GRIP1: variants seen among roughly 807,000 people sequenced by gnomAD.
GRIP1 encodes glutamate receptor-interacting protein 1.
A neutral mutation model predicts 129.9 loss-of-function variants in GRIP1; 45 were observed. The ratio of observed to expected loss-of-function variants is 0.35; its 90% CI spans 0.27 to 0.44. The LOEUF is 0.44. GRIP1 is among the 20% of genes least tolerant of loss of function. GRIP1 has a pLI of 1.00. For synonymous variants in GRIP1, 530 were observed against 520.8 expected (o/e 1.02, Z -0.24); for missense variants, 1,196 against 1,396.8 (o/e 0.86, Z 2.29).
chr12:66,907,269 GA>G (rs1258059224), intron 1 of GRIP1, among the ~76,000 whole-genome samples: 1 of 152,146 alleles, frequency 6.6e-6, no homozygotes, highest in Non-Finnish European at 1.5e-5. Context: ...CTGGGTCGGG[GA>G]AAATAAAGTA....
intron 1 of GRIP1, among the ~76,000 whole-genome samples, chr12:66,772,042 C>T (rs1310844597): frequency 6.6e-6 from 1 of 151,838 alleles, no homozygotes; most frequent in Admixed American, 6.6e-5. Flanking sequence ...ATTCTAGATG[C>T]TGTGCAGATA....
chr12:66,946,583 G>A (rs2041670861), intron 1 of GRIP1, among the ~76,000 whole-genome samples: 1 of 151,762 alleles, frequency 6.6e-6, no homozygotes, highest in Non-Finnish European at 1.5e-5. Flanking sequence ...GCATCAGAAT[G>A]GAAGACTGGC....
At chr12:67,006,509 T>C (rs992524774) in intron 1 of GRIP1, among the ~76,000 whole-genome samples, 9 of 151,936 alleles carry the variant, frequency 5.9e-5, no homozygotes, top group African/African-American at 2.2e-4. Flanking sequence ...ATCGCTGAAA[T>C]CTGGGAAGTC....
chr12:66,685,485 G>A (rs1436867672), intron 1 of GRIP1, among the ~76,000 whole-genome samples: 1 of 152,056 alleles, frequency 6.6e-6, no homozygotes, highest in Non-Finnish European at 1.5e-5. Context: ...ATAGGGAGAG[G>A]TTCTATATTT....
chr12:66,519,720 G>GT lies in GRIP1; in HGVS notation c.503-1745dup, dbSNP rs564038304. Among the ~76,000 whole-genome samples the GT allele has an allele frequency of 2.0e-5, 3 of 152,274 alleles. No homozygotes were observed. The East Asian group carries it at 5.8e-4, about 29-fold the overall frequency. On this transcript the variant is annotated intron_variant, in intron 5 of 24. Coordinates refer to ENST00000359742, the MANE Select transcript of GRIP1 (RefSeq NM_001366722.1). ...ATATTCTCAATCCTGGTGTACATTA[G>GT]TATCAACTGGGATGCTTTTTGAAAA...
Position 66,347,914 on chromosome 12 carries a change from T to G in GRIP1, c.*1105A>C, listed in dbSNP as rs2054048638. 1 of 152,216 alleles carries G rather than the reference T, an allele frequency of 6.6e-6. No individual in the cohort carries two copies. Among genetic ancestry groups the G allele is most frequent in the Non-Finnish European group, 1.5e-5 (1 of 68,042 alleles). The allele number at this position is 152,216 out of a possible 1,614,324, so 9.4% of individuals were successfully genotyped here. Reference sequence around the variant, plus strand: ...ATACAGATCTATTTATTTTTTTATGTTCACCAAATAATAACAGTTATTAGT... The same window carrying G: ...ATACAGATCTATTTATTTTTTTATGGTCACCAAATAATAACAGTTATTAGT... On this transcript the variant is annotated 3_prime_UTR_variant, in exon 25 of 25. Coordinates refer to ENST00000359742, the MANE Select transcript of GRIP1 (RefSeq NM_001366722.1).
intron 1 of GRIP1, among the ~76,000 whole-genome samples, chr12:67,064,396 C>G (rs1231708285): frequency 1.3e-5 from 2 of 152,296 alleles, no homozygotes; most frequent in Non-Finnish European, 2.9e-5. Context: ...TGCCCTAAGT[C>G]TTGGCTTTAT....
chr12:66,872,733 C>T (rs1401832177), intron 1 of GRIP1, among the ~76,000 whole-genome samples: 1 of 152,008 alleles, frequency 6.6e-6, no homozygotes, highest in Non-Finnish European at 1.5e-5. Context: ...AGGCTTTGTT[C>T]AGGCCTTTGG....
intron 1 of GRIP1, among the ~76,000 whole-genome samples, chr12:66,628,339 C>T (rs1486042117): frequency 6.6e-6 from 1 of 152,198 alleles, no homozygotes; most frequent in Non-Finnish European, 1.5e-5. Flanking sequence ...TGTACCTAGG[C>T]CTCCAGTGAA....
intron 1 of GRIP1, among the ~76,000 whole-genome samples, chr12:66,915,212 C>T (rs759678066): frequency 3.3e-5 from 5 of 152,152 alleles, no homozygotes; most frequent in African/African-American, 4.8e-5. Context: ...AGAGTTTTAA[C>T]TCTAAAAGGA....
rs1471556001 is a variant in GRIP1 at position 66,668,098 on chromosome 12, A to T, written c.55+10752T>A. Among the ~76,000 whole-genome samples the T allele has an allele frequency of 3.9e-5, 6 of 152,214 alleles. No individual in the cohort carries two copies. The East Asian group carries it at 9.6e-4, about 24-fold the overall frequency. On this transcript the variant is annotated intron_variant, in intron 1 of 24. Transcript: ENST00000359742. ...CTGATATTTGGGATGTAGCTGAGGC[A>T]AAAGTTTGTGGTCAGTGTGCCTTGA...
intron 1 of GRIP1, among the ~76,000 whole-genome samples, chr12:66,737,728 T>C (rs928268244): frequency 6.6e-6 from 1 of 152,180 alleles, no homozygotes; most frequent in African/African-American, 2.4e-5. Flanking sequence ...TTTTTTTTAC[T>C]CTTTTATTTT....
chr12:66,499,336 G>A (rs2060323767), intron 7 of GRIP1, among the ~76,000 whole-genome samples: 1 of 152,122 alleles, frequency 6.6e-6, no homozygotes, highest in Non-Finnish European at 1.5e-5. Context: ...GATAAAATAT[G>A]ATGAAGATTA....
At chr12:67,064,836 T>C (rs954001620) in intron 1 of GRIP1, among the ~76,000 whole-genome samples, 2 of 151,834 alleles carry the variant, frequency 1.3e-5, no homozygotes, top group Non-Finnish European at 2.9e-5. Context: ...TGTGACATGC[T>C]GGTGCGCTGC....
At chr12:66,607,804 A>G (rs1164708347) in intron 1 of GRIP1, among the ~76,000 whole-genome samples, 7 of 152,150 alleles carry the variant, frequency 4.6e-5, no homozygotes, top group African/African-American at 1.7e-4. Context: ...TTTCTGAGGA[A>G]CTTTTGAAAC....
intron 1 of GRIP1, among the ~76,000 whole-genome samples, chr12:66,709,716 T>A (rs1461740933): frequency 1.3e-5 from 2 of 151,836 alleles, no homozygotes; most frequent in African/African-American, 4.8e-5. Context: ...TATAAAAACA[T>A]GAAACTAAAA....
intron 1 of GRIP1, among the ~76,000 whole-genome samples, chr12:66,829,521 C>G (rs1255211817): frequency 1.3e-5 from 2 of 152,046 alleles, no homozygotes; most frequent in African/African-American, 4.8e-5. Flanking sequence ...TAATACAAGC[C>G]CCTAACCCTT....
Position 66,897,885 on chromosome 12 carries a change from G to A in GRIP1, c.58+171165C>T, listed in dbSNP as rs550377334. 3.3e-4 allele frequency among the ~76,000 whole-genome samples: 50 copies of A among 151,994 alleles called. No individual in the cohort carries two copies. The South Asian group carries it at 6.2e-3, about 19-fold the overall frequency. ...TTGTAAAACCAAGTAATAATAATCC[G>A]CCACAAATTGCTAGGATCCATTTTT... On this transcript the variant is annotated intron_variant, in intron 1 of 1. Transcript: ENST00000643019.
chr12:66,423,759 A>G (rs2057890333), intron 14 of GRIP1, among the ~76,000 whole-genome samples: 1 of 152,210 alleles, frequency 6.6e-6, no homozygotes, highest in African/African-American at 2.4e-5. Context: ...CAAGTGGGAA[A>G]TCCATACAAA....
Sources: gnomAD v4.1 joint callset for allele counts (sites outside exome capture counted in the v4.1 genomes callset) on GRCh38, gnomAD v4.1.1 for gene constraint, MANE v1.5 for transcripts, NCBI Gene and HGNC (gene_info 2026-07-23, HGNC 2026-07-21) for gene names.